The following EXOC2 variants were observed in gnomAD, a reference collection of about 807,000 sequenced individuals.
EXOC2 encodes exocyst complex component 2, also known as SEC5-like 1.
EXOC2 carries 70 observed loss-of-function variants against 131.8 expected under a neutral mutation model. The observed-to-expected ratio is 0.53, with a 90% CI of 0.44 to 0.65. EXOC2 has a LOEUF of 0.65. Among genes scored for constraint, EXOC2 ranks in the 30% least tolerant of loss-of-function variants. The pLI is 0.00. For missense variants in EXOC2, 923 were observed against 1,108.6 expected, an observed-to-expected ratio of 0.83 and a Z score of 2.38; for synonymous variants, 411 against 398.4, an observed-to-expected ratio of 1.03 and a Z score of -0.38.
chr6:529,534 T>C (rs943474413), intron 23 of EXOC2, among the ~76,000 whole-genome samples: 3 of 152,210 alleles, frequency 2.0e-5, no homozygotes, highest in Non-Finnish European at 2.9e-5. Flanking sequence ...TAAATTTTTA[T>C]AGTCATCACT....
At chr6:597,545 C>G (rs1457985600) in intron 10 of EXOC2, among the ~76,000 whole-genome samples, 3 of 152,214 alleles carry the variant, frequency 2.0e-5, no homozygotes, top group African/African-American at 7.2e-5. Flanking sequence ...TCACTGACCA[C>G]TAAAGGCTTG....
intron 13 of EXOC2, among the ~76,000 whole-genome samples, chr6:567,699 C>A (rs1169526551): frequency 6.6e-6 from 1 of 152,072 alleles, no homozygotes. Flanking sequence ...TGCATGCATA[C>A]ATGTGCATGT....
At chr6:495,742 C>T (rs899703342) in intron 25 of EXOC2, among the ~76,000 whole-genome samples, 6 of 152,150 alleles carry the variant, frequency 3.9e-5, no homozygotes, top group South Asian at 4.1e-4. Context: ...GTGATGGCAT[C>T]GCATTGTAGT....
intron 18 of EXOC2, 104 bp downstream of exon 18, chr6:556,380 G>T: frequency 8.6e-7 from 1 of 1,166,170 alleles, no homozygotes; most frequent in Non-Finnish European, 1.3e-6. Context: ...ACAAGCAGGC[G>T]AAGAGGGAGA....
At chr6:660,627 T>C (rs1763384060) in intron 1 of EXOC2, among the ~76,000 whole-genome samples, 1 of 152,184 alleles carries the variant, frequency 6.6e-6, no homozygotes, top group South Asian at 2.1e-4. Flanking sequence ...GGGAACACTT[T>C]GTGGGACAAA....
chr6:616,479 T>C (rs951960261), intron 6 of EXOC2, among the ~76,000 whole-genome samples: 4 of 150,862 alleles, frequency 2.7e-5, no homozygotes, highest in Non-Finnish European at 5.9e-5. Context: ...GGCGGGCGCC[T>C]GTAGTCCCAG....
intron 27 of EXOC2, among the ~76,000 whole-genome samples, chr6:487,162 G>C (rs995910891): frequency 1.3e-5 from 2 of 152,276 alleles, no homozygotes; most frequent in African/African-American, 2.4e-5. Flanking sequence ...GCTACAGCAC[G>C]TGGCATGGCT....
intron 17 of EXOC2, among the ~76,000 whole-genome samples, chr6:560,402 C>T (rs1310484267): frequency 6.6e-6 from 1 of 152,160 alleles, no homozygotes; most frequent in East Asian, 1.9e-4. Context: ...ATAATGTTAG[C>T]CACAAACAGA....
intron 24 of EXOC2, among the ~76,000 whole-genome samples, chr6:498,753 C>T (rs1478094237): frequency 6.6e-6 from 1 of 152,158 alleles, no homozygotes; most frequent in African/African-American, 2.4e-5. Context: ...GCCTCAGATA[C>T]TTTTGGATGC....
At chr6:668,422 G>A (rs925079870) in intron 1 of EXOC2, among the ~76,000 whole-genome samples, 4 of 152,140 alleles carry the variant, frequency 2.6e-5, no homozygotes, top group African/African-American at 9.7e-5. Flanking sequence ...CTCATTGCCT[G>A]CACAGCCCTG....
chr6:563,207 T>G (rs1258668686), intron 16 of EXOC2, among the ~76,000 whole-genome samples: 3 of 152,238 alleles, frequency 2.0e-5, no homozygotes, highest in Non-Finnish European at 4.4e-5. Context: ...AAATTTCTGA[T>G]GAGTAATTTG....
chr6:594,027 G>A (rs930157498), intron 10 of EXOC2, among the ~76,000 whole-genome samples: 5 of 152,246 alleles, frequency 3.3e-5, no homozygotes, highest in African/African-American at 1.2e-4. Flanking sequence ...AGGTGGCTGA[G>A]AGCTGCCATC....
intron 23 of EXOC2, among the ~76,000 whole-genome samples, chr6:504,979 G>A (rs1235380085): frequency 6.6e-6 from 1 of 152,150 alleles, no homozygotes; most frequent in Non-Finnish European, 1.5e-5. Context: ...ACTAGAAACA[G>A]CACACTGATT....
intron 22 of EXOC2, among the ~76,000 whole-genome samples, chr6:533,604 G>A (rs905192222): frequency 1.3e-5 from 2 of 152,328 alleles, no homozygotes; most frequent in East Asian, 1.9e-4. Context: ...GACTGTGGGG[G>A]CTCCCGATGG....
chr6:527,498 A>T (rs1484025912), intron 23 of EXOC2, among the ~76,000 whole-genome samples: 1 of 152,250 alleles, frequency 6.6e-6, no homozygotes, highest in African/African-American at 2.4e-5. Context: ...ATTTGTTGGA[A>T]TATGCTGCTT....
At chr6:663,620 G>A (rs1205950055) in intron 1 of EXOC2, among the ~76,000 whole-genome samples, 1 of 152,144 alleles carries the variant, frequency 6.6e-6, no homozygotes, top group Non-Finnish European at 1.5e-5. Flanking sequence ...CAGGGATGCA[G>A]GGGTAGTTTA....
intron 7 of EXOC2, 147 bp from the exon 8 acceptor site, chr6:599,372 T>C (rs1466455303): frequency 1.3e-6 from 1 of 744,232 alleles, no homozygotes; most frequent in Non-Finnish European, 2.0e-6. Flanking sequence ...GGATCTTTTA[T>C]GGTTTGCTAA....
At chr6:530,031 G>A (rs928636347) in intron 23 of EXOC2, among the ~76,000 whole-genome samples, 4 of 152,200 alleles carry the variant, frequency 2.6e-5, no homozygotes, top group African/African-American at 9.6e-5. Flanking sequence ...TAATTGAAAC[G>A]CAGCTGCTCA....
At chr6:597,512 C>T (rs183663181) in intron 10 of EXOC2, among the ~76,000 whole-genome samples, 2 of 152,148 alleles carry the variant, frequency 1.3e-5, no homozygotes, top group African/African-American at 2.4e-5. Context: ...AAAGTATGCT[C>T]ACTTAGTGAC....
Sources: gnomAD v4.1 joint callset for allele counts (sites outside exome capture counted in the v4.1 genomes callset) on GRCh38, gnomAD v4.1.1 for gene constraint, MANE v1.5 for transcripts, NCBI Gene and HGNC (gene_info 2026-07-23, HGNC 2026-07-21) for gene names.